Variants in CD84 observed in about 807,000 individuals in gnomAD.
CD84 encodes the protein SLAM family member 5.
In CD84, 22 loss-of-function variants were observed where a neutral mutation model predicts 33.8. That is an observed-to-expected ratio of 0.65 (90% CI 0.46 to 0.93). CD84 has a LOEUF of 0.93. Among genes scored for constraint, CD84 ranks in the 40% least tolerant of loss-of-function variants. CD84 has a pLI of 0.00. For missense variants in CD84, 400 were observed against 397.6 expected, an observed-to-expected ratio of 1.01 and a Z score of -0.05; for synonymous variants, 154 against 145.2, an observed-to-expected ratio of 1.06 and a Z score of -0.44.
chr1:160,578,676 A>G (rs977185527), intron 1 of CD84, among the ~76,000 whole-genome samples: 6 of 152,162 alleles, frequency 3.9e-5, no homozygotes, highest in Non-Finnish European at 8.8e-5. Flanking sequence ...GCACTCCCAG[A>G]TCTATGTTAA....
chr1:160,563,648 C>T (rs1657137567), intron 2 of CD84, among the ~76,000 whole-genome samples: 1 of 151,922 alleles, frequency 6.6e-6, no homozygotes, highest in African/African-American at 2.4e-5. Flanking sequence ...GGTCTTAATA[C>T]CTAGATGATG....
At chr1:160,558,018 C>A (rs78372728) in intron 2 of CD84, among the ~76,000 whole-genome samples, 2,642 of 152,346 alleles carry the variant, frequency 0.017, 43 homozygotes, top group Non-Finnish European at 0.028. Flanking sequence ...GGGCGGCCAC[C>A]ATTTCTGCCA....
chr1:160,578,077 T>C (rs1005412166), intron 1 of CD84, among the ~76,000 whole-genome samples: 10 of 152,154 alleles, frequency 6.6e-5, no homozygotes, highest in African/African-American at 2.4e-4. Context: ...GAAAAACCAA[T>C]GTCTATTTCC....
At chr1:160,550,862 C>G in intron 5 of CD84, 76 bp downstream of exon 5, 1 of 1,601,576 alleles carries the variant, frequency 6.2e-7, no homozygotes, top group Non-Finnish European at 8.5e-7. Flanking sequence ...CAACAACAAG[C>G]AGAGGCAATG....
In CD84 at chr1:160,554,097, G is replaced by A; in HGVS notation, c.438C>T (p.Asn146=). 1 of 1,614,146 alleles carries A rather than the reference G, an allele frequency of 6.2e-7. No homozygotes were observed. Among genetic ancestry groups the A allele is most frequent in the South Asian group, 1.1e-5 (1 of 91,078 alleles). Residue 146 remains asparagine (N), a synonymous_variant, in exon 3 of 7, where the codon AAC becomes AAT. Coordinates refer to ENST00000368054, the MANE Select transcript of CD84 (RefSeq NM_003874.4). Reference sequence around the variant, plus strand: ...ATGTCAGTGTGACATTACAGGTGCTGTTCACAGATGCCATTAAACTCTGTG... The same window carrying A: ...ATGTCAGTGTGACATTACAGGTGCTATTCACAGATGCCATTAAACTCTGTG... The part of the protein sequence containing the change: ...KITQSLMASV[N]STCNVTLTCS...
At chr1:160,574,584 T>C (rs1177301614) in intron 1 of CD84, among the ~76,000 whole-genome samples, 2 of 152,170 alleles carry the variant, frequency 1.3e-5, no homozygotes, top group Admixed American at 6.5e-5. Flanking sequence ...TGTGTACTAA[T>C]GGAGGAGAGT....
At chr1:160,567,963 A>G (rs542046610) in intron 1 of CD84, among the ~76,000 whole-genome samples, 2 of 152,188 alleles carry the variant, frequency 1.3e-5, no homozygotes, top group East Asian at 1.9e-4. Context: ...TAAATTCTAC[A>G]TACTATTTAA....
chr1:160,568,543 A>C (rs1207067186), intron 1 of CD84, among the ~76,000 whole-genome samples: 1 of 152,188 alleles, frequency 6.6e-6, no homozygotes, highest in Admixed American at 6.5e-5. Flanking sequence ...AAAGATAGGG[A>C]GGCAGAAGGT....
intron 1 of CD84, chr1:160,571,253 G>A (rs974312363): frequency 6.6e-6 from 1 of 152,040 alleles, no homozygotes; most frequent in African/African-American, 2.4e-5. Flanking sequence ...TAAGCCTGAA[G>A]TCCACGACTG....
At chr1:160,569,532 ACACACACACG>A (rs76041744) in intron 1 of CD84, among the ~76,000 whole-genome samples, 32,906 of 143,208 alleles carry the variant, frequency 0.23, 4,163 homozygotes, top group Middle Eastern at 0.35. Context: ...ACACACACAC[ACACACACACG>A]CACGCACGCA....
In CD84 at chr1:160,576,170, C is replaced by T. The variant is rs551923607; in HGVS notation, c.46+3222G>A. On this transcript the variant is annotated intron_variant, in intron 1 of 6. Transcript: ENST00000368054. ...AGGTTGTTTTGTCAGCATACTTCCA[C>T]AGGTATGCTTCCTGTCTCTGAGCCC... Among the ~76,000 whole-genome samples, 4 of 152,208 alleles carry T rather than the reference C, an allele frequency of 2.6e-5. No homozygotes were observed. The South Asian group carries it at 8.3e-4, about 32-fold the overall frequency.
At chr1:160,552,633 C>T (rs985038375) in intron 4 of CD84, 4 of 1,065,090 alleles carry the variant, frequency 3.8e-6, no homozygotes, top group Admixed American at 4.0e-5. Context: ...CGTGCTTAGT[C>T]TTAACCACTC....
Position 160,546,874 on chromosome 1 carries a change from A to C in CD84, c.*1382T>G, listed in dbSNP as rs1391739360. The C allele has an allele frequency of 2.7e-6, 1 of 366,354 alleles. No individual in the cohort carries two copies. Among genetic ancestry groups the C allele is most frequent in the African/African-American group, 2.1e-5 (1 of 48,006 alleles). The allele number at this position is 366,354 out of a possible 1,614,324, so 22.7% of individuals were successfully genotyped here. A position where few individuals can be genotyped will look rare whatever the true frequency, so the allele number is the denominator to read the frequency against. On this transcript the variant is annotated 3_prime_UTR_variant, in exon 7 of 7. Transcript: ENST00000368054. Reference sequence around the variant, plus strand: ...ACTTTGGGGCCTTGCAGCTCCTAACATAGTGCTAATGGTAGTTGGTGCTAG... The same window carrying C: ...ACTTTGGGGCCTTGCAGCTCCTAACCTAGTGCTAATGGTAGTTGGTGCTAG...
At chr1:160,574,078 G>A (rs1279354931) in intron 1 of CD84, among the ~76,000 whole-genome samples, 3 of 151,026 alleles carry the variant, frequency 2.0e-5, no homozygotes, top group Non-Finnish European at 4.4e-5. Context: ...GGGTGACAGG[G>A]CAAGACTCTG....
chr1:160,558,808 G>A lies in CD84; in HGVS notation c.389-4662C>T, dbSNP rs111632255. 8.3e-4 allele frequency among the ~76,000 whole-genome samples: 126 copies of A among 152,280 alleles called. 1 individual carries two copies. Among genetic ancestry groups the A allele is most frequent in the African/African-American group, 2.9e-3 (121 of 41,544 alleles). ...AGAGGAACAAAACCGACCTGATGGA[G>A]CTGAAAACCACAACACGAGATACTG... On this transcript the variant is annotated intron_variant, in intron 2 of 6. Coordinates refer to ENST00000368054, the MANE Select transcript of CD84 (RefSeq NM_003874.4).
rs34031902 is a variant in CD84, at chr1:160,544,145, C to CTTTTT, written c.*4106_*4110dup. The CTTTTT allele has an allele frequency of 7.8e-5, 7 of 90,138 alleles. No homozygotes were observed. Among genetic ancestry groups the CTTTTT allele is most frequent in the East Asian group, 3.3e-4 (1 of 2,992 alleles). 5.6% of individuals were successfully genotyped at this position (90,138 alleles called of 1,614,324 possible). On this transcript the variant is annotated 3_prime_UTR_variant, in exon 7 of 7. Coordinates refer to ENST00000368054, the MANE Select transcript of CD84 (RefSeq NM_003874.4). ...CCTCTTATTGTCTTTGTTCTTCAAA[C>CTTTTT]TTTTTTTTTTTTTTTTTTTTTTGAG...
intron 2 of CD84, among the ~76,000 whole-genome samples, chr1:160,561,567 G>A (rs1656968319): frequency 6.6e-6 from 1 of 152,152 alleles, no homozygotes; most frequent in Non-Finnish European, 1.5e-5. Flanking sequence ...TACTGAATGG[G>A]CAAAAGCAGG....
intron 4 of CD84, among the ~76,000 whole-genome samples, chr1:160,551,764 T>G (rs1404191361): frequency 1.3e-5 from 2 of 152,192 alleles, no homozygotes; most frequent in Non-Finnish European, 2.9e-5. Flanking sequence ...AGGTTGGTCT[T>G]GAACTCCTGA....
chr1:160,549,704 C>T (rs1487331486), intron 6 of CD84, among the ~76,000 whole-genome samples: 1 of 152,146 alleles, frequency 6.6e-6, no homozygotes, highest in Non-Finnish European at 1.5e-5. Flanking sequence ...GGATCAGCAT[C>T]CCAAGTAAGA....
Sources: allele counts gnomAD v4.1 joint callset (sites outside exome capture counted in the v4.1 genomes callset), GRCh38; gene constraint gnomAD v4.1.1; transcripts MANE v1.5; gene names NCBI Gene and HGNC (gene_info 2026-07-23, HGNC 2026-07-21).